ITSN2: variants seen among roughly 807,000 people sequenced by gnomAD.
ITSN2 encodes intersectin-2.
A neutral mutation model predicts 243.7 loss-of-function variants in ITSN2; 156 were observed. That is an observed-to-expected ratio of 0.64 (90% CI 0.56 to 0.73). ITSN2 has a LOEUF of 0.73. Among genes scored for constraint, ITSN2 ranks in the 30% least tolerant of loss-of-function variants. ITSN2 has a pLI of 0.00. For synonymous variants in ITSN2, 703 were observed against 699.9 expected, an observed-to-expected ratio of 1.00 and a Z score of -0.07; for missense variants, 1,801 against 1,996.1, an observed-to-expected ratio of 0.90 and a Z score of 1.86.
intron 25 of ITSN2, among the ~76,000 whole-genome samples, chr2:24,252,010 G>A (rs894616865): frequency 1.2e-4 from 19 of 152,106 alleles, no homozygotes; most frequent in African/African-American, 3.9e-4. Context: ...GAAAATTGGC[G>A]AACTACTTCA....
chr2:24,208,657 A>G (rs1164758133), intron 36 of ITSN2, among the ~76,000 whole-genome samples: 1 of 152,200 alleles, frequency 6.6e-6, no homozygotes, highest in Non-Finnish European at 1.5e-5. Context: ...CCGCGGAGGC[A>G]CTGTTGGAGC....
chr2:24,347,377 T>C (rs4665260), intron 1 of ITSN2, among the ~76,000 whole-genome samples: 148,886 of 152,238 alleles, frequency 0.98, 72,801 homozygotes, highest in East Asian at 0.99. Context: ...TATTATATAA[T>C]GTAATTAAAA....
intron 22 of ITSN2, among the ~76,000 whole-genome samples, chr2:24,259,927 T>C (rs1675589828): frequency 6.6e-6 from 1 of 152,224 alleles, no homozygotes; most frequent in Non-Finnish European, 1.5e-5. Context: ...TTCTGGTTTT[T>C]AAAAATTGTT....
chr2:24,339,135 C>T (rs1187673496), intron 1 of ITSN2, among the ~76,000 whole-genome samples: 2 of 152,214 alleles, frequency 1.3e-5, no homozygotes, highest in East Asian at 1.9e-4. Context: ...CACTCCTACT[C>T]GTATTCAAAA....
At chr2:24,203,945 T>C in intron 39 of ITSN2, 162 bp from the exon 40 acceptor site, 1 of 711,460 alleles carries the variant, frequency 1.4e-6, no homozygotes, top group Non-Finnish European at 2.3e-6. Flanking sequence ...TGGGGAATGA[T>C]GGCAGGTTTG....
At chr2:24,344,762 T>C (rs1426177312) in intron 1 of ITSN2, among the ~76,000 whole-genome samples, 4 of 152,074 alleles carry the variant, frequency 2.6e-5, no homozygotes, top group Non-Finnish European at 4.4e-5. Flanking sequence ...GACCAGCCTG[T>C]CCAACATGGT....
At chr2:24,345,795 C>A (rs1421302204) in intron 1 of ITSN2, among the ~76,000 whole-genome samples, 1 of 151,678 alleles carries the variant, frequency 6.6e-6, no homozygotes, top group Non-Finnish European at 1.5e-5. Context: ...GCTTGTTTGT[C>A]TTTTAATTTT....
At position 24,205,138 on chromosome 2, in the gene ITSN2, C is replaced by A. The variant is rs919311602; in HGVS notation, c.4762+76G>T. Reference sequence around the variant, plus strand: ...CTCCAGCCTAGGTTATACACTGAGACTCTGTCTCAAAAAGTCATCAGCAAA... The same window carrying A: ...CTCCAGCCTAGGTTATACACTGAGAATCTGTCTCAAAAAGTCATCAGCAAA... On this transcript the variant is annotated intron_variant, in intron 38 of 39. Coordinates refer to ENST00000355123, the MANE Select transcript of ITSN2 (RefSeq NM_006277.3). 1.5e-5 allele frequency: 18 copies of A among 1,220,976 alleles called. No individual in the cohort carries two copies. The African/African-American group carries it at 2.5e-4, about 17-fold the overall frequency. 75.6% of individuals were successfully genotyped at this position (1,220,976 alleles called of 1,614,324 possible).
rs557436979 is a variant in ITSN2 at position 24,316,249 on chromosome 2, G to C, written c.32-1025C>G. On this transcript the variant is annotated intron_variant, in intron 2 of 39. Coordinates refer to ENST00000355123, the MANE Select transcript of ITSN2 (RefSeq NM_006277.3). ...GACCCCATACCCTGGAAGTTATAGA[G>C]AGCCATCTAGTAGTTTTTATTATTT... Among the ~76,000 whole-genome samples the C allele has an allele frequency of 3.9e-5, 6 of 152,206 alleles. No homozygotes were observed. In the South Asian group the frequency reaches 1.0e-3, roughly 26 times the overall value.
At chr2:24,292,189 T>G (rs1680340180) in intron 15 of ITSN2, among the ~76,000 whole-genome samples, 1 of 152,230 alleles carries the variant, frequency 6.6e-6, no homozygotes, top group Non-Finnish European at 1.5e-5. Context: ...CTTCCTATTT[T>G]GAATTGGACT....
intron 15 of ITSN2, among the ~76,000 whole-genome samples, chr2:24,287,746 G>A (rs1209751994): frequency 6.6e-6 from 1 of 151,952 alleles, no homozygotes; most frequent in Non-Finnish European, 1.5e-5. Flanking sequence ...CAGGTGTGAG[G>A]TGATATTATA....
At chr2:24,293,574 C>T (rs899931958) in intron 15 of ITSN2, 114 bp downstream of exon 15, 1 of 459,696 alleles carries the variant, frequency 2.2e-6, no homozygotes, top group Admixed American at 4.3e-5. Flanking sequence ...AACTTACAGG[C>T]AAAAAGTGTT....
At chr2:24,220,324 G>A in intron 30 of ITSN2, 3 of 985,332 alleles carry the variant, frequency 3.0e-6, no homozygotes, top group Non-Finnish European at 3.6e-6. Context: ...AGGTATAGTA[G>A]AAATGGAAAG....
rs1384558466 is a variant in ITSN2, at chr2:24,258,123, A to T, written c.2683-30T>A. The T allele has an allele frequency of 3.3e-6, 5 of 1,495,090 alleles. No homozygotes were observed. The African/African-American group carries it at 4.1e-5, about 12-fold the overall frequency. 92.6% of individuals were successfully genotyped at this position (1,495,090 alleles called of 1,614,324 possible). A position where few individuals can be genotyped will look rare whatever the true frequency, so the allele number is the denominator to read the frequency against. ...GAATACAAAACCACCAAAAATTTTT[A>T]AAAGGCAATGGTAACTATGATTTCT... On this transcript the variant is annotated intron_variant, in intron 22 of 39. Transcript: ENST00000355123.
intron 14 of ITSN2, among the ~76,000 whole-genome samples, chr2:24,293,982 TG>T (rs777140579): frequency 7.9e-5 from 12 of 152,350 alleles, no homozygotes; most frequent in Non-Finnish European, 1.8e-4. Context: ...AGTGACTGGC[TG>T]AAATTAAAAG....
At chr2:24,255,394 C>G (rs1413845064) in intron 23 of ITSN2, among the ~76,000 whole-genome samples, 1 of 152,090 alleles carries the variant, frequency 6.6e-6, no homozygotes, top group African/African-American at 2.4e-5. Flanking sequence ...TTTGGGAGAC[C>G]GAGGCGGGCA....
intron 1 of ITSN2, among the ~76,000 whole-genome samples, chr2:24,337,528 T>C (rs1686585474): frequency 6.7e-6 from 1 of 149,112 alleles, no homozygotes; most frequent in Non-Finnish European, 1.5e-5. Context: ...TTTTTTGTAT[T>C]TTTAGTAAAG....
At chr2:24,217,031 C>T (rs990154547) in intron 31 of ITSN2, among the ~76,000 whole-genome samples, 2 of 151,234 alleles carry the variant, frequency 1.3e-5, no homozygotes, top group Non-Finnish European at 2.9e-5. Context: ...TGGCAGCGAG[C>T]CGAGATCGCG....
chr2:24,278,812 C>T (rs919812021), intron 17 of ITSN2, among the ~76,000 whole-genome samples: 2 of 151,914 alleles, frequency 1.3e-5, no homozygotes, highest in Non-Finnish European at 2.9e-5. Context: ...CCACCACGCC[C>T]GGCTAATTTT....
Sources: allele counts gnomAD v4.1 joint callset (sites outside exome capture counted in the v4.1 genomes callset), GRCh38; gene constraint gnomAD v4.1.1; transcripts MANE v1.5; gene names NCBI Gene and HGNC (gene_info 2026-07-23, HGNC 2026-07-21).